Variants in COPB2 observed in about 807,000 individuals in gnomAD.
COPB2 encodes coat protein complex I subunit beta 2, also known as coatomer subunit beta'.
In COPB2, 16 loss-of-function variants were observed where a neutral mutation model predicts 120.8. The ratio of observed to expected loss-of-function variants is 0.13; its 90% CI spans 0.09 to 0.20. The LOEUF (loss-of-function observed/expected upper bound fraction) is 0.20, where lower values mean the gene tolerates loss of function less well. Ranked by LOEUF, COPB2 falls within the 10% of genes least tolerant of loss-of-function variation. The pLI, the probability that COPB2 is intolerant of heterozygous loss-of-function variation, is 1.00. For missense variants in COPB2, 794 were observed against 1,076.5 expected, an observed-to-expected ratio of 0.74 and a Z score of 3.67; for synonymous variants, 332 against 366.3, an observed-to-expected ratio of 0.91 and a Z score of 1.07.
intron 13 of COPB2, among the ~76,000 whole-genome samples, 197 bp from the exon 14 acceptor site, chr3:139,367,342 A>G (rs1183728627): frequency 1.3e-5 from 2 of 150,642 alleles, no homozygotes; most frequent in Admixed American, 6.6e-5. Flanking sequence ...GCTGTAGTAC[A>G]GTGGCGTAAC....
chr3:139,358,911 A>G, intron 19 of COPB2, 87 bp downstream of exon 19: 1 of 1,566,014 alleles, frequency 6.4e-7, no homozygotes, highest in Non-Finnish European at 8.8e-7. Flanking sequence ...TAATTTTAAA[A>G]GAAGACAGCA....
intron 3 of COPB2, 60 bp downstream of exon 3, chr3:139,379,320 A>T (rs1232648224): frequency 1.1e-5 from 17 of 1,582,158 alleles, no homozygotes; most frequent in Non-Finnish European, 1.4e-5. Context: ...CCTGCAACAA[A>T]TTTACACAAT....
rs186247846 is a variant in COPB2 at position 139,386,675 on chromosome 3, T to C, written c.3+2873A>G. 6.8e-4 allele frequency among the ~76,000 whole-genome samples: 103 copies of C among 152,262 alleles called. 1 individual carries two copies. Among genetic ancestry groups the C allele is most frequent in the Admixed American group, 1.8e-3 (27 of 15,286 alleles). ...GGAGTCAACAGGTATGAAGAGTCTA[T>C]TATGTACCAGGCAGGAACCATGGTG... On this transcript the variant is annotated intron_variant, in intron 1 of 21. Transcript: ENST00000333188.
At chr3:139,367,376 C>A (rs1941537725) in intron 13 of COPB2, among the ~76,000 whole-genome samples, 1 of 151,688 alleles carries the variant, frequency 6.6e-6, no homozygotes, top group African/African-American at 2.4e-5. Context: ...CAACTTCTAC[C>A]TCCCGGATTC....
chr3:139,369,890 T>A (rs1941590133), intron 10 of COPB2, among the ~76,000 whole-genome samples: 1 of 152,178 alleles, frequency 6.6e-6, no homozygotes, highest in Non-Finnish European at 1.5e-5. Context: ...CAATTACTGA[T>A]CCAGGCAAGA....
At chr3:139,384,585 C>T (rs576169201) in intron 1 of COPB2, among the ~76,000 whole-genome samples, 1 of 152,214 alleles carries the variant, frequency 6.6e-6, no homozygotes, top group Non-Finnish European at 1.5e-5. Flanking sequence ...AAAAACGCTA[C>T]AAGTGTTTCC....
chr3:139,369,312 A>G lies in COPB2; in HGVS notation c.1350T>C (p.Tyr450=), dbSNP rs1477166460. 6.2e-7 allele frequency: 1 copy of G among 1,613,812 alleles called. No individual in the cohort carries two copies. The highest frequency in any genetic ancestry group is 1.1e-5 in the South Asian group (1 of 91,052). Residue 450 remains tyrosine, a synonymous_variant, in exon 12 of 22, where the codon TAT becomes TAC. Transcript: ENST00000333188. ...GVRSVNGLAF[Y]DWDNTELIRR... is the part of the protein sequence containing the mutation. ...GTATGAGTTCTGTATTGTCCCAGTCATAGAAGGCTAAGCCATTTACAGATC... is the reference window on the plus strand; with the variant it reads ...GTATGAGTTCTGTATTGTCCCAGTCGTAGAAGGCTAAGCCATTTACAGATC...
In COPB2 at chr3:139,383,347, A is replaced by G; in HGVS notation, c.92T>C (p.Leu31Ser). 2 of 1,613,508 alleles carry G rather than the reference A, an allele frequency of 1.2e-6. No homozygotes were observed. Among genetic ancestry groups the G allele is most frequent in the Non-Finnish European group, 1.7e-6 (2 of 1,179,768 alleles). The change falls in exon 2 of 22, where the codon TTG becomes TCG. Residue 31 changes from leucine to serine, a missense_variant. By Grantham distance (145) the Leu-to-Ser change is moderately radical (BLOSUM62 -2). Coordinates refer to ENST00000333188, the MANE Select transcript of COPB2 (RefSeq NM_004766.3). ...CACACTGCCATTGTAAAGACTTGCC[A>G]ACATCCATGGCTCTGTAGGATGCAG... ...VDLHPTEPWM[L>S]ASLYNGSVCV...
intron 1 of COPB2, among the ~76,000 whole-genome samples, chr3:139,387,715 C>T (rs9857390): frequency 0.38 from 57,919 of 152,074 alleles, 13,785 homozygotes; most frequent in Non-Finnish European, 0.53. Context: ...GACTAGAAAG[C>T]CATGATGGAT....
At chr3:139,369,611 G>A in intron 10 of COPB2, 67 bp from the exon 11 acceptor site, 12 of 963,608 alleles carry the variant, frequency 1.2e-5, no homozygotes, top group East Asian at 2.5e-5. Context: ...CCAAATGTTG[G>A]AAATATCTTC....
intron 5 of COPB2, among the ~76,000 whole-genome samples, chr3:139,377,325 T>C (rs75943212): frequency 6.6e-6 from 1 of 152,312 alleles, no homozygotes; most frequent in East Asian, 1.9e-4. Context: ...AGAGGTGAAG[T>C]TGATGTCTGA....
Position 139,383,448 on chromosome 3 carries a change from AT to A in COPB2, c.4-14del, listed in dbSNP as rs1941851916. Reference sequence around the variant, plus strand: ...CAAGTCGCAGAGGCTAAAAAGAAACATTAAAAAAATTAAATTGCTAAGCCAA... The same window carrying A: ...CAAGTCGCAGAGGCTAAAAAGAAACATAAAAAAATTAAATTGCTAAGCCAA... On this transcript the variant is annotated splice_polypyrimidine_tract_variant and intron_variant, in intron 1 of 21. Transcript: ENST00000333188. 2 of 1,527,450 alleles carry A rather than the reference AT, an allele frequency of 1.3e-6. No individual in the cohort carries two copies. The highest frequency in any genetic ancestry group is 2.8e-5 in the African/African-American group (2 of 71,606). The allele number at this position is 1,527,450 out of a possible 1,614,324, so 94.6% of individuals were successfully genotyped here. A position where few individuals can be genotyped will look rare whatever the true frequency, so the allele number is the denominator to read the frequency against.
At chr3:139,364,572 G>C (rs1941482178) in intron 15 of COPB2, among the ~76,000 whole-genome samples, 1 of 152,084 alleles carries the variant, frequency 6.6e-6, no homozygotes. Context: ...TGAGCCCAAG[G>C]GAAAAGACTT....
At chr3:139,383,241 T>C (rs1012225705) in intron 2 of COPB2, 57 bp downstream of exon 2, 1 of 1,581,348 alleles carries the variant, frequency 6.3e-7, no homozygotes, top group South Asian at 1.1e-5. Context: ...TCTCTTTCAT[T>C]ATAAACACAG....
intron 15 of COPB2, among the ~76,000 whole-genome samples, chr3:139,365,815 T>C (rs1941504818): frequency 1.3e-5 from 2 of 152,118 alleles, no homozygotes; most frequent in Non-Finnish European, 2.9e-5. Context: ...AAAGGAAAGC[T>C]AGATAATATG....
intron 14 of COPB2, 57 bp downstream of exon 14, chr3:139,366,958 A>G (rs1348373479): frequency 1.3e-6 from 2 of 1,572,876 alleles, no homozygotes; most frequent in South Asian, 1.2e-5. Context: ...AGCCAGCAAC[A>G]GATTTTTCTA....
chr3:139,382,186 TG>T (rs1343452277), intron 2 of COPB2: 1 of 152,206 alleles, frequency 6.6e-6, no homozygotes, highest in East Asian at 1.9e-4. Flanking sequence ...AGGAGGACCC[TG>T]GTGGGAGGTG....
chr3:139,374,707 T>C, intron 6 of COPB2, 119 bp from the exon 7 acceptor site: 1 of 610,274 alleles, frequency 1.6e-6, no homozygotes, highest in Non-Finnish European at 2.6e-6. Context: ...ATCTAAATAA[T>C]ATCCAATATA....
At chr3:139,358,966 A>G in intron 19 of COPB2, 32 bp downstream of exon 19, 1 of 1,604,576 alleles carries the variant, frequency 6.2e-7, no homozygotes, top group Non-Finnish European at 8.5e-7. Context: ...CTGTAGTTAC[A>G]ATAAATGAAG....
Sources: gnomAD v4.1 joint callset for allele counts (sites outside exome capture counted in the v4.1 genomes callset) on GRCh38, gnomAD v4.1.1 for gene constraint, MANE v1.5 for transcripts, NCBI Gene and HGNC (gene_info 2026-07-23, HGNC 2026-07-21) for gene names.